DEPDC5: variants seen among roughly 807,000 people sequenced by gnomAD.
The protein encoded by DEPDC5 is DEP domain containing 5, GATOR1 subcomplex subunit.
DEPDC5 carries 73 observed loss-of-function variants against 217.3 expected under a neutral mutation model. That is an observed-to-expected ratio of 0.34 (90% CI 0.28 to 0.41). The LOEUF (loss-of-function observed/expected upper bound fraction) is 0.41, where lower values mean the gene tolerates loss of function less well. Among genes scored for constraint, DEPDC5 ranks in the 10% least tolerant of loss-of-function variants. The pLI is 1.00. For synonymous variants in DEPDC5, 733 were observed against 756.7 expected (o/e 0.97, Z 0.51); for missense variants, 1,675 against 2,070.1 (o/e 0.81, Z 3.70).
chr22:31,823,458 G>C (rs1052034718), intron 24 of DEPDC5, among the ~76,000 whole-genome samples: 2 of 151,534 alleles, frequency 1.3e-5, no homozygotes, highest in African/African-American at 4.9e-5. Context: ...TCATGAACCT[G>C]GGAGGCGGAG....
chr22:31,874,093 C>T (rs1602621009), intron 35 of DEPDC5, 180 bp from the exon 36 acceptor site: 1 of 997,620 alleles, frequency 1.0e-6, no homozygotes, highest in African/African-American at 1.7e-5. Flanking sequence ...ACGCTGGGCC[C>T]CCGGTAACAG....
intron 38 of DEPDC5, among the ~76,000 whole-genome samples, chr22:31,891,755 G>T (rs2093442634): frequency 6.6e-6 from 1 of 152,156 alleles, no homozygotes; most frequent in South Asian, 2.1e-4. Flanking sequence ...ATGTTCTCAG[G>T]ATCTCTTAAG....
intron 34 of DEPDC5, among the ~76,000 whole-genome samples, chr22:31,871,649 G>GA (rs2092846915): frequency 6.6e-6 from 1 of 152,174 alleles, no homozygotes; most frequent in South Asian, 2.1e-4. Context: ...CCAATGCATA[G>GA]AAAAAATCTG....
intron 2 of DEPDC5, among the ~76,000 whole-genome samples, chr22:31,756,435 A>T (rs1286615675): frequency 6.6e-6 from 1 of 152,244 alleles, no homozygotes; most frequent in East Asian, 1.9e-4. Flanking sequence ...TAAAATGCAC[A>T]GTCTATTGTT....
intron 24 of DEPDC5, among the ~76,000 whole-genome samples, chr22:31,831,677 T>C (rs2090606344): frequency 6.6e-6 from 1 of 152,178 alleles, no homozygotes; most frequent in Non-Finnish European, 1.5e-5. Flanking sequence ...GCCAGGCTGG[T>C]CTCGAACTTC....
In DEPDC5 at chr22:31,780,011, T is replaced by A. The variant is rs1048714712; in HGVS notation, c.483+1843T>A. ...AGCTGCTGAGGAGGCTGGGAAGTTT[T>A]GTCTTTCAGTTGGGTCTCTTGCCTT... On this transcript the variant is annotated intron_variant, in intron 8 of 42. Transcript: ENST00000651528. Among the ~76,000 whole-genome samples, 3 of 152,372 alleles carry A rather than the reference T, an allele frequency of 2.0e-5. No individual in the cohort carries two copies. In the East Asian group the frequency reaches 5.8e-4, roughly 29 times the overall value.
At chr22:31,760,801 CTCT>C in intron 4 of DEPDC5, 99 bp downstream of exon 4, 4 of 999,680 alleles carry the variant, frequency 4.0e-6, no homozygotes, top group Non-Finnish European at 5.9e-6. Context: ...GCAAGTAATT[CTCT>C]TCTTTTTTAA....
chr22:31,899,033 G>A (rs764426036), intron 40 of DEPDC5, among the ~76,000 whole-genome samples: 7 of 152,212 alleles, frequency 4.6e-5, no homozygotes, highest in Non-Finnish European at 8.8e-5. Flanking sequence ...ATCTTCCCCC[G>A]AAACTGTCCA....
rs774206363 is a variant in DEPDC5 at position 31,764,985 on chromosome 22, T to C, written c.204T>C (p.Ser68=). 18 of 1,613,796 alleles carry C rather than the reference T, an allele frequency of 1.1e-5. No individual in the cohort carries two copies. The Admixed American group carries it at 1.3e-4, about 12-fold the overall frequency. The change falls in exon 5 of 43, where the codon AGT becomes AGC. Residue 68 remains serine, a synonymous_variant. Transcript: ENST00000651528. ...TTGTTTCTGTTTTAGAAACTATCAGTGTGGACCAGACTGTGACTCAAGTGT... is the reference window on the plus strand; with the variant it reads ...TTGTTTCTGTTTTAGAAACTATCAGCGTGGACCAGACTGTGACTCAAGTGT... ...LKEDLQKETI[S]VDQTVTQVFR...
At chr22:31,823,568 G>T (rs967289217) in intron 24 of DEPDC5, among the ~76,000 whole-genome samples, 1 of 149,860 alleles carries the variant, frequency 6.7e-6, no homozygotes, top group Non-Finnish European at 1.5e-5. Flanking sequence ...AAGTGAGCAC[G>T]CACCAAAGAC....
intron 23 of DEPDC5, 143 bp downstream of exon 23, chr22:31,821,780 A>G (rs1306264106): frequency 2.0e-5 from 24 of 1,198,674 alleles, no homozygotes; most frequent in Non-Finnish European, 2.8e-5. Context: ...TTTGTTGGCC[A>G]GTGGCATTCC....
chr22:31,856,176 CACACACACACACACTTCATTGCCTATG>C (rs951055197), intron 31 of DEPDC5, among the ~76,000 whole-genome samples: 6 of 151,328 alleles, frequency 4.0e-5, no homozygotes, highest in South Asian at 2.1e-4. Flanking sequence ...CACACACACA[CACACACACACACACTTCATTGCCTATG>C]ACACACACAC....
chr22:31,888,548 G>C (rs1051143284), intron 38 of DEPDC5, among the ~76,000 whole-genome samples: 1 of 149,714 alleles, frequency 6.7e-6, no homozygotes, highest in African/African-American at 2.5e-5. Context: ...CACCACACCC[G>C]GCTCTTTGTT....
intron 40 of DEPDC5, among the ~76,000 whole-genome samples, chr22:31,900,302 C>T (rs961185110): frequency 6.6e-6 from 1 of 152,080 alleles, no homozygotes; most frequent in Non-Finnish European, 1.5e-5. Context: ...CCACCTCAGC[C>T]TCCCAAAGTG....
chr22:31,842,285 A>G (rs2091440216), intron 27 of DEPDC5, among the ~76,000 whole-genome samples: 1 of 152,214 alleles, frequency 6.6e-6, no homozygotes, highest in Admixed American at 6.5e-5. Flanking sequence ...AAAAGAAACA[A>G]CATGAGCAGG....
At chr22:31,874,061 G>A in intron 35 of DEPDC5, 1 of 601,118 alleles carries the variant, frequency 1.7e-6, no homozygotes, top group South Asian at 2.3e-5. Context: ...CCAAAGTGCT[G>A]GGATTACAGG....
rs2093769293 is a variant in DEPDC5 at position 31,907,057 on chromosome 22, T to A, written c.*560T>A. 1 of 157,240 alleles carries A rather than the reference T, an allele frequency of 6.4e-6. No individual in the cohort carries two copies. The highest frequency in any genetic ancestry group is 2.0e-4 in the South Asian group (1 of 5,096). The allele number at this position is 157,240 out of a possible 1,614,324, so 9.7% of individuals were successfully genotyped here. A position where few individuals can be genotyped will look rare whatever the true frequency, so the allele number is the denominator to read the frequency against. On this transcript the variant is annotated 3_prime_UTR_variant, in exon 43 of 43. Coordinates refer to ENST00000651528, the MANE Select transcript of DEPDC5 (RefSeq NM_001242896.3). ...GTTCCCCACAGAAGCAGTCCCATCC[T>A]GGGCTGGGCAGTTGTGCCAGGTGGC... is the stretch of plus-strand genomic sequence containing the variant.
rs2085929477 is a variant in DEPDC5, at chr22:31,793,627, A to C, written c.767+810A>C. Among the ~76,000 whole-genome samples, 4 of 152,056 alleles carry C rather than the reference A, an allele frequency of 2.6e-5. 1 individual carries two copies. The highest frequency in any genetic ancestry group is 2.6e-4 in the Admixed American group (4 of 15,232). ...CACTCTCTCGCCCAGGCTGGAGTGC[A>C]GTGGTCATGTAAGCTGACTGCAAAC... On this transcript the variant is annotated intron_variant, in intron 12 of 42. Coordinates refer to ENST00000651528, the MANE Select transcript of DEPDC5 (RefSeq NM_001242896.3).
chr22:31,855,742 A>G (rs2092263598), intron 31 of DEPDC5, among the ~76,000 whole-genome samples: 1 of 152,056 alleles, frequency 6.6e-6, no homozygotes, highest in Non-Finnish European at 1.5e-5. Flanking sequence ...CTCTAATGAT[A>G]TAATTTTGGT....
Sources: allele counts gnomAD v4.1 joint callset (sites outside exome capture counted in the v4.1 genomes callset), GRCh38; gene constraint gnomAD v4.1.1; transcripts MANE v1.5; gene names NCBI Gene and HGNC (gene_info 2026-07-23, HGNC 2026-07-21).